The following ARHGAP26 variants were observed in gnomAD, a reference collection of about 807,000 sequenced individuals.
ARHGAP26 encodes rho GTPase-activating protein 26.
ARHGAP26 carries 38 observed loss-of-function variants against 104.8 expected under a neutral mutation model. The ratio of observed to expected loss-of-function variants is 0.36; its 90% CI spans 0.28 to 0.48. ARHGAP26 has a LOEUF of 0.48. ARHGAP26 is among the 20% of genes least tolerant of loss of function. The probability of loss-of-function intolerance (pLI) is 0.99; values close to 1 mark genes in which losing one functional copy is unlikely to be tolerated. For missense variants in ARHGAP26, 704 were observed against 947.9 expected, an observed-to-expected ratio of 0.74 and a Z score of 3.38; for synonymous variants, 341 against 340.0, an observed-to-expected ratio of 1.00 and a Z score of -0.03.
chr5:143,144,673 G>C (rs116426460), intron 19 of ARHGAP26, among the ~76,000 whole-genome samples: 3 of 152,178 alleles, frequency 2.0e-5, no homozygotes, highest in Non-Finnish European at 2.9e-5. Flanking sequence ...CTCTGAAGGC[G>C]ATGGGATTAC....
At chr5:142,831,919 C>T (rs770520949) in intron 1 of ARHGAP26, among the ~76,000 whole-genome samples, 5 of 152,182 alleles carry the variant, frequency 3.3e-5, no homozygotes, top group Non-Finnish European at 7.3e-5. Context: ...AATGGCTTCT[C>T]ACCTCCTGTG....
rs537166899 is a variant in ARHGAP26 at position 143,097,586 on chromosome 5, C to T, written c.1539-23402C>T. On this transcript the variant is annotated intron_variant, in intron 17 of 22. Coordinates refer to ENST00000645722, the MANE Select transcript of ARHGAP26 (RefSeq NM_001135608.3). ...CTGTAATCCCAGCACTTTGGGAGGTCGAGGCGGGTGGATCATGAGGTCAAG... is the reference window on the plus strand; with the variant it reads ...CTGTAATCCCAGCACTTTGGGAGGTTGAGGCGGGTGGATCATGAGGTCAAG... Among the ~76,000 whole-genome samples, 315 of 151,662 alleles carry T rather than the reference C, an allele frequency of 2.1e-3. 1 individual carries two copies. Among genetic ancestry groups the T allele is most frequent in the African/African-American group, 4.1e-3 (170 of 41,452 alleles).
At chr5:142,771,257 A>C in intron 1 of ARHGAP26, 2 of 1,253,848 alleles carry the variant, frequency 1.6e-6, no homozygotes, top group Non-Finnish European at 2.0e-6. Flanking sequence ...GCCAGCGGGC[A>C]GATCCCATCG....
At chr5:142,928,978 G>A (rs562059569) in intron 10 of ARHGAP26, among the ~76,000 whole-genome samples, 6 of 152,004 alleles carry the variant, frequency 3.9e-5, no homozygotes, top group African/African-American at 1.2e-4. Flanking sequence ...TCGCTCTGTC[G>A]CCGGGCTGGA....
At chr5:143,105,747 G>T (rs1427355511) in intron 17 of ARHGAP26, among the ~76,000 whole-genome samples, 1 of 152,210 alleles carries the variant, frequency 6.6e-6, no homozygotes, top group Non-Finnish European at 1.5e-5. Flanking sequence ...GTTCGTGGCT[G>T]TAGGCATCCT....
chr5:142,832,052 A>G (rs1768549397), intron 1 of ARHGAP26, among the ~76,000 whole-genome samples: 1 of 152,216 alleles, frequency 6.6e-6, no homozygotes, highest in South Asian at 2.1e-4. Context: ...AAGACATACC[A>G]AAACTGTACA....
At chr5:142,940,159 C>G (rs1180991855) in intron 11 of ARHGAP26, among the ~76,000 whole-genome samples, 4 of 152,192 alleles carry the variant, frequency 2.6e-5, no homozygotes, top group Non-Finnish European at 5.9e-5. Flanking sequence ...GTATGCTAAC[C>G]TCAGCTCACC....
chr5:142,903,524 A>G lies in ARHGAP26; in HGVS notation c.703-16A>G, dbSNP rs1760674945. On this transcript the variant is annotated splice_polypyrimidine_tract_variant and intron_variant, in intron 7 of 22. Transcript: ENST00000645722. Reference sequence around the variant, plus strand: ...ACTTTGTTTCTTTGATTTGAATAAAATTATTTTCATCCTAGACAAGAAATC... The same window carrying G: ...ACTTTGTTTCTTTGATTTGAATAAAGTTATTTTCATCCTAGACAAGAAATC... The G allele has an allele frequency of 6.2e-7, 1 of 1,611,078 alleles. No individual in the cohort carries two copies. The highest frequency in any genetic ancestry group is 8.5e-7 in the Non-Finnish European group (1 of 1,178,756).
chr5:143,057,662 C>A lies in ARHGAP26; in HGVS notation c.1453C>A (p.Arg485=). Residue 485 remains arginine, a synonymous_variant, in exon 17 of 23, where the codon CGG becomes AGG. Transcript: ENST00000645722. ...TGCAGAACTGGAGAACCAGGAGTCTCGGGTCTCTGAAATCCACAGCCTTGT... is the reference window on the plus strand; with the variant it reads ...TGCAGAACTGGAGAACCAGGAGTCTAGGGTCTCTGAAATCCACAGCCTTGT... ...KAAKLENQES[R]VSEIHSLVHR... The A allele has an allele frequency of 6.2e-7, 1 of 1,613,882 alleles. No individual in the cohort carries two copies. Among genetic ancestry groups the A allele is most frequent in the East Asian group, 2.2e-5 (1 of 44,874 alleles).
chr5:143,001,309 T>A (rs1481203994), intron 11 of ARHGAP26, among the ~76,000 whole-genome samples: 2 of 152,220 alleles, frequency 1.3e-5, no homozygotes, highest in Non-Finnish European at 2.9e-5. Flanking sequence ...AAGAATTATG[T>A]ATTTTATTGT....
chr5:143,066,649 A>G (rs939151890), intron 17 of ARHGAP26, among the ~76,000 whole-genome samples: 2 of 152,186 alleles, frequency 1.3e-5, no homozygotes, highest in Admixed American at 6.5e-5. Context: ...GGCTTTCTTC[A>G]TAGTTTTGTT....
chr5:142,964,305 A>C (rs252223), intron 11 of ARHGAP26, among the ~76,000 whole-genome samples: 57,953 of 152,016 alleles, frequency 0.38, 12,342 homozygotes, highest in East Asian at 0.78. Flanking sequence ...TTGATCATAT[A>C]CCTGTAACAT....
chr5:142,890,136 TAAAA>T (rs1162535877), intron 5 of ARHGAP26, among the ~76,000 whole-genome samples: 125 of 29,168 alleles, frequency 4.3e-3, no homozygotes, highest in African/African-American at 0.016. Flanking sequence ...AACTCCGTCT[TAAAA>T]AAAAAAAAAA....
intron 10 of ARHGAP26, among the ~76,000 whole-genome samples, chr5:142,920,153 T>G (rs1763008643): frequency 6.6e-6 from 1 of 152,252 alleles, no homozygotes; most frequent in Admixed American, 6.5e-5. Flanking sequence ...TTACAAAATG[T>G]GTCAACTCTT....
chr5:143,092,399 C>T (rs1385800992), intron 17 of ARHGAP26, among the ~76,000 whole-genome samples: 2 of 152,062 alleles, frequency 1.3e-5, no homozygotes, highest in South Asian at 4.1e-4. Context: ...CTCCTGACCT[C>T]GTGATCCGCC....
At chr5:143,013,317 T>G (rs1450087941) in intron 11 of ARHGAP26, among the ~76,000 whole-genome samples, 1 of 152,208 alleles carries the variant, frequency 6.6e-6, no homozygotes, top group African/African-American at 2.4e-5. Context: ...TGATTTTGCC[T>G]CTTGGCCCAC....
At chr5:143,143,102 C>T (rs1398327482) in intron 19 of ARHGAP26, among the ~76,000 whole-genome samples, 1 of 152,118 alleles carries the variant, frequency 6.6e-6, no homozygotes, top group African/African-American at 2.4e-5. Context: ...TTGCCCTCTA[C>T]TCTTAGGCAC....
intron 20 of ARHGAP26, among the ~76,000 whole-genome samples, chr5:143,160,878 G>A (rs982415672): frequency 6.6e-6 from 1 of 152,192 alleles, no homozygotes; most frequent in African/African-American, 2.4e-5. Flanking sequence ...CTCGCCCAGG[G>A]CTCTGTGTCA....
intron 8 of ARHGAP26, among the ~76,000 whole-genome samples, chr5:142,906,609 A>T (rs1761142892): frequency 6.6e-6 from 1 of 152,190 alleles, no homozygotes; most frequent in Non-Finnish European, 1.5e-5. Context: ...ATAATTTATA[A>T]CTGTCCTTAT....
Sources: allele counts gnomAD v4.1 joint callset (sites outside exome capture counted in the v4.1 genomes callset), GRCh38; gene constraint gnomAD v4.1.1; transcripts MANE v1.5; gene names NCBI Gene and HGNC (gene_info 2026-07-23, HGNC 2026-07-21).